Variants in MYBPH observed in about 807,000 individuals in gnomAD.
MYBPH encodes the protein myosin-binding protein H.
MYBPH carries 49 observed loss-of-function variants against 53.6 expected under a neutral mutation model. That is an observed-to-expected ratio of 0.91 (90% CI 0.73 to 1.16). The LOEUF is 1.16. Among genes scored for constraint, MYBPH ranks in the 50% most tolerant of loss-of-function variants. MYBPH has a pLI of 0.00. For missense variants in MYBPH, 558 were observed against 624.1 expected, an observed-to-expected ratio of 0.89 and a Z score of 1.13; for synonymous variants, 239 against 249.6, an observed-to-expected ratio of 0.96 and a Z score of 0.40.
At chr1:203,170,221 TGCAGAGACGCGGAGGAAGAA>T in intron 7 of MYBPH, 50 bp downstream of exon 7, 1 of 1,575,956 alleles carries the variant, frequency 6.3e-7, no homozygotes, top group East Asian at 2.3e-5. Context: ...GAGAGAGGGG[TGCAGAGACGCGGAGGAAGAA>T]GCAGAGACAG....
At chr1:203,173,411 C>T (rs1281082528) in intron 3 of MYBPH, among the ~76,000 whole-genome samples, 6 of 152,222 alleles carry the variant, frequency 3.9e-5, no homozygotes, top group African/African-American at 1.4e-4. Context: ...CTCTGCAGTG[C>T]AGTGGGACAT....
intron 7 of MYBPH, among the ~76,000 whole-genome samples, chr1:203,170,029 C>G (rs1021032417): frequency 6.6e-6 from 1 of 152,236 alleles, no homozygotes; most frequent in Non-Finnish European, 1.5e-5. Context: ...CCACACACCT[C>G]TTTGGAATAA....
Position 203,172,037 on chromosome 1 carries a change from G to T in MYBPH, c.512C>A (p.Ala171Asp). Residue 171 changes from alanine (A) to aspartate (D), a missense_variant, in exon 4 of 11, where the codon GCC (alanine) becomes GAC (aspartate). Ala to Asp is a moderately radical substitution (Grantham distance 126). Transcript: ENST00000255416. ...QPIHIRENIE[A>D]PKIRVPRHLR... ...GTGGCGGGGGACACGGATCTTGGGG[G>T]CCTCTGGATCAAAGCAAGAGTCTGG... 7.6e-7 allele frequency: 1 copy of T among 1,315,874 alleles called. No homozygotes were observed. The highest frequency in any genetic ancestry group is 9.8e-7 in the Non-Finnish European group (1 of 1,024,560). The allele number at this position is 1,315,874 out of a possible 1,614,324, so 81.5% of individuals were successfully genotyped here. A position where few individuals can be genotyped will look rare whatever the true frequency, so the allele number is the denominator to read the frequency against.
chr1:203,175,333 C>G lies in MYBPH; in HGVS notation c.334G>C (p.Glu112Gln). 5 of 1,519,766 alleles carry G rather than the reference C, an allele frequency of 3.3e-6. No homozygotes were observed. The highest frequency in any genetic ancestry group is 4.4e-6 in the Non-Finnish European group (5 of 1,136,198). 94.1% of individuals were successfully genotyped at this position (1,519,766 alleles called of 1,614,324 possible). A position where few individuals can be genotyped will look rare whatever the true frequency, so the allele number is the denominator to read the frequency against. Residue 112 changes from glutamate (E) to glutamine (Q), a missense_variant, in exon 2 of 11, where the codon GAG (glutamate) becomes CAG (glutamine). Glu to Gln is a conservative substitution (Grantham distance 29). Coordinates refer to ENST00000255416, the MANE Select transcript of MYBPH (RefSeq NM_004997.3). Reference protein sequence around the residue: ...LQGYVLELCREGASEWVPVSA... With the variant: ...LQGYVLELCRQGASEWVPVSA... ...GACTTAGCCCAGCACTCACCTCCCTCTCTGCAGAGCTCCAGCACATAGCCC... is the reference window on the plus strand; with the variant it reads ...GACTTAGCCCAGCACTCACCTCCCTGTCTGCAGAGCTCCAGCACATAGCCC...
chr1:203,177,425 C>T (rs1483241498), upstream of MYBPH, among the ~76,000 whole-genome samples: 1 of 152,228 alleles, frequency 6.6e-6, no homozygotes, highest in East Asian at 1.9e-4. Context: ...TTATTCAGGG[C>T]CCTCAGCAGC....
At chr1:203,178,888 G>A (rs1655866741), upstream of MYBPH, 1 of 152,408 alleles carries the variant, frequency 6.6e-6, no homozygotes, top group African/African-American at 2.4e-5. Context: ...AGTCCAGTGG[G>A]TCTAGTGGGC....
At position 203,171,718 on chromosome 1, in the gene MYBPH, C is replaced by T. The variant is rs1655700712; in HGVS notation, c.598-140G>A. On this transcript the variant is annotated intron_variant, in intron 4 of 10. Coordinates refer to ENST00000255416, the MANE Select transcript of MYBPH (RefSeq NM_004997.3). This position sits in a 1 kb window ranked among gnomAD's most constrained non-coding sequence, Gnocchi z 4.2. ...TCAGGAGGGGCAGCAGAGGCTGGAG[C>T]CACAGGTGCTGCCCACAGCCACATC... 1.6e-5 allele frequency: 16 copies of T among 975,844 alleles called. 1 individual carries two copies. The South Asian group carries it at 2.8e-4, about 17-fold the overall frequency. The allele number at this position is 975,844 out of a possible 1,614,324, so 60.4% of individuals were successfully genotyped here.
chr1:203,170,956 C>A, intron 6 of MYBPH, 105 bp downstream of exon 6: 1 of 1,454,686 alleles, frequency 6.9e-7, no homozygotes, highest in Non-Finnish European at 9.1e-7. Flanking sequence ...GTGGGCAGAC[C>A]AGAACTCGAT....
rs370397624 is a variant in MYBPH, at chr1:203,174,319, G to A, written c.508+111C>T. On this transcript the variant is annotated intron_variant, in intron 3 of 10. Coordinates refer to ENST00000255416, the MANE Select transcript of MYBPH (RefSeq NM_004997.3). ...TAGCGTGTGGCTTGTGCATGTGAGC[G>A]TGGGACGGGGGAAATGACTGCCTGG... 76 of 1,473,254 alleles carry A rather than the reference G, an allele frequency of 5.2e-5. 1 individual carries two copies. The highest frequency in any genetic ancestry group is 2.0e-4 in the South Asian group (14 of 69,896). The allele number at this position is 1,473,254 out of a possible 1,614,324, so 91.3% of individuals were successfully genotyped here.
upstream of MYBPH, among the ~76,000 whole-genome samples, chr1:203,176,245 G>A (rs1655808049): frequency 6.6e-6 from 1 of 152,178 alleles, no homozygotes; most frequent in African/African-American, 2.4e-5. Flanking sequence ...TCGTCCTTGT[G>A]AGCACTCCCA....
chr1:203,174,096 T>C (rs1243702355), intron 3 of MYBPH, among the ~76,000 whole-genome samples: 1 of 152,180 alleles, frequency 6.6e-6, no homozygotes. Flanking sequence ...TTATGGCCAC[T>C]GGAGAGATTG....
At chr1:203,173,743 C>T (rs1409559858) in intron 3 of MYBPH, among the ~76,000 whole-genome samples, 2 of 152,234 alleles carry the variant, frequency 1.3e-5, no homozygotes, top group Non-Finnish European at 2.9e-5. Context: ...TCTCCTCACC[C>T]TGGGGGACTG....
intron 3 of MYBPH, among the ~76,000 whole-genome samples, chr1:203,173,483 G>A (rs1447232112): frequency 2.0e-5 from 3 of 152,208 alleles, no homozygotes; most frequent in African/African-American, 7.2e-5. Flanking sequence ...TGACCTCAAG[G>A]GATGCCCTGG....
chr1:203,168,855 T>C, intron 9 of MYBPH, 51 bp downstream of exon 9: 1 of 1,603,976 alleles, frequency 6.2e-7, no homozygotes, highest in South Asian at 1.1e-5. Flanking sequence ...CTGCCTCTAG[T>C]CCAGTTCCAG....
chr1:203,174,612 A>G lies in MYBPH; in HGVS notation c.341-15T>C. 3 of 1,582,406 alleles carry G rather than the reference A, an allele frequency of 1.9e-6. No individual in the cohort carries two copies. Among genetic ancestry groups the G allele is most frequent in the Non-Finnish European group, 2.6e-6 (3 of 1,157,108 alleles). ...CCACTCCGAGGCTGAGGGGATGGAGAGAGTGTGAGGTCTTTGCAATGTGGC... is the reference window on the plus strand; with the variant it reads ...CCACTCCGAGGCTGAGGGGATGGAGGGAGTGTGAGGTCTTTGCAATGTGGC... On this transcript the variant is annotated splice_polypyrimidine_tract_variant and intron_variant, in intron 2 of 10. Coordinates refer to ENST00000255416, the MANE Select transcript of MYBPH (RefSeq NM_004997.3).
intron 2 of MYBPH, 50 bp downstream of exon 2, chr1:203,175,277 C>T (rs1247819644): frequency 6.6e-7 from 1 of 1,506,426 alleles, no homozygotes; most frequent in South Asian, 1.4e-5. Flanking sequence ...CCCTGCAGCC[C>T]TCCATGACAA....
At position 203,174,615 on chromosome 1, in the gene MYBPH, G is replaced by A; in HGVS notation, c.341-18C>T. ...CTCCGAGGCTGAGGGGATGGAGAGA[G>A]TGTGAGGTCTTTGCAATGTGGCCAC... On this transcript the variant is annotated intron_variant, in intron 2 of 10. Coordinates refer to ENST00000255416, the MANE Select transcript of MYBPH (RefSeq NM_004997.3). 6.4e-7 allele frequency: 1 copy of A among 1,568,154 alleles called. No individual in the cohort carries two copies. Among genetic ancestry groups the A allele is most frequent in the Non-Finnish European group, 8.7e-7 (1 of 1,148,484 alleles).
chr1:203,171,903 G>A lies in MYBPH; in HGVS notation c.597+49C>T, dbSNP rs374421261. 39 of 1,176,960 alleles carry A rather than the reference G, an allele frequency of 3.3e-5. No individual in the cohort carries two copies. The highest frequency in any genetic ancestry group is 4.2e-5 in the Non-Finnish European group (38 of 909,428). The allele number at this position is 1,176,960 out of a possible 1,614,324, so 72.9% of individuals were successfully genotyped here. On this transcript the variant is annotated intron_variant, in intron 4 of 10. Transcript: ENST00000255416. This position sits in a 1 kb window ranked among gnomAD's most constrained non-coding sequence, Gnocchi z 4.2. Reference sequence around the variant, plus strand: ...ATCTCCCAGGCTCCCCTTAAATGGGGGCCCTGGTTCCCACCCAGGCTGTTA... The same window carrying A: ...ATCTCCCAGGCTCCCCTTAAATGGGAGCCCTGGTTCCCACCCAGGCTGTTA...
Position 203,175,469 on chromosome 1 carries a change from G to A in MYBPH, c.206-8C>T, listed in dbSNP as rs746413763. The A allele has an allele frequency of 5.6e-6, 9 of 1,600,358 alleles. No homozygotes were observed. In the Admixed American group the frequency reaches 8.4e-5, roughly 15 times the overall value. On this transcript the variant is annotated splice_polypyrimidine_tract_variant and splice_region_variant and intron_variant, in intron 1 of 10. Transcript: ENST00000255416. The stretch of plus-strand genomic sequence containing the variant: ...GTGGGGCACTGGGGACATCTGGGGA[G>A]ATGAAGAGGTTCATGGCCAAGAGCT...
Sources: gnomAD v4.1 joint callset for allele counts (sites outside exome capture counted in the v4.1 genomes callset) on GRCh38, gnomAD v4.1.1 for gene constraint, Gnocchi (gnomAD v3.1) non-coding constraint, MANE v1.5 for transcripts, NCBI Gene and HGNC (gene_info 2026-07-23, HGNC 2026-07-21) for gene names.